UBAP2: variants seen among roughly 807,000 people sequenced by gnomAD.
UBAP2 encodes ubiquitin associated protein 2.
UBAP2 carries 75 observed loss-of-function variants against 139.6 expected under a neutral mutation model. The ratio of observed to expected loss-of-function variants is 0.54; its 90% CI spans 0.45 to 0.65. UBAP2 has a LOEUF of 0.65. UBAP2 is among the 30% of genes least tolerant of loss of function. The pLI is 0.00. For synonymous variants in UBAP2, 526 were observed against 526.2 expected (o/e 1.00, Z 0.01); for missense variants, 1,368 against 1,369.6 (o/e 1.00, Z 0.02).
chr9:33,985,331 A>G (rs761409266), intron 6 of UBAP2, among the ~76,000 whole-genome samples: 2 of 152,232 alleles, frequency 1.3e-5, no homozygotes, highest in Admixed American at 1.3e-4. Flanking sequence ...TATCATTTCT[A>G]TGTGTTGGGA....
chr9:33,963,993 T>C (rs961636150), intron 8 of UBAP2, among the ~76,000 whole-genome samples: 3 of 152,186 alleles, frequency 2.0e-5, no homozygotes, highest in Non-Finnish European at 4.4e-5. Context: ...GACACTCAAA[T>C]CACTTCAATT....
chr9:34,037,231 G>A (rs565552304), intron 1 of UBAP2, among the ~76,000 whole-genome samples: 20 of 152,004 alleles, frequency 1.3e-4, no homozygotes, highest in African/African-American at 4.8e-4. Context: ...CTCGTGATCC[G>A]CCCGCCTCGG....
intron 1 of UBAP2, among the ~76,000 whole-genome samples, chr9:34,039,591 T>A (rs954645857): frequency 6.6e-6 from 1 of 151,982 alleles, no homozygotes; most frequent in Non-Finnish European, 1.5e-5. Flanking sequence ...CTGTGTCCAC[T>A]CAGGGTTAAA....
At chr9:33,953,259 C>A in intron 12 of UBAP2, 26 bp downstream of exon 12, 1 of 1,596,088 alleles carries the variant, frequency 6.3e-7, no homozygotes. Flanking sequence ...TTCTTAAAAT[C>A]CCACACTGAA....
At chr9:33,935,356 C>G (rs1824396852) in intron 17 of UBAP2, 2 of 154,052 alleles carry the variant, frequency 1.3e-5, no homozygotes, top group East Asian at 3.8e-4. Context: ...GTAGCCCAAG[C>G]TGGCTCAAGC....
rs574784839 is a variant in UBAP2 at position 33,952,616 on chromosome 9, T to C, written c.1056+669A>G. Among the ~76,000 whole-genome samples the C allele has an allele frequency of 6.6e-5, 10 of 152,274 alleles. No homozygotes were observed. The East Asian group carries it at 1.7e-3, about 26-fold the overall frequency. ...AATTCTGATAAACTTTCGCATTTAATTGGAAAACAAGAAATTGAATATACT... is the reference window on the plus strand; with the variant it reads ...AATTCTGATAAACTTTCGCATTTAACTGGAAAACAAGAAATTGAATATACT... On this transcript the variant is annotated intron_variant, in intron 12 of 28. Coordinates refer to ENST00000379238, the MANE Select transcript of UBAP2 (RefSeq NM_001370062.2).
intron 6 of UBAP2, among the ~76,000 whole-genome samples, chr9:33,983,164 C>T (rs894786874): frequency 2.6e-5 from 4 of 152,104 alleles, no homozygotes; most frequent in Non-Finnish European, 5.9e-5. Flanking sequence ...AGATGTGAGC[C>T]ACGGTGCCCG....
intron 6 of UBAP2, among the ~76,000 whole-genome samples, chr9:33,986,305 A>C (rs1056906134): frequency 6.6e-6 from 1 of 152,146 alleles, no homozygotes; most frequent in African/African-American, 2.4e-5. Flanking sequence ...AATGTTCAAC[A>C]GTAGAGTAAG....
chr9:33,967,276 C>A (rs1162411322), intron 8 of UBAP2, among the ~76,000 whole-genome samples: 2 of 152,154 alleles, frequency 1.3e-5, no homozygotes, highest in African/African-American at 4.8e-5. Context: ...TCACAAAAAA[C>A]AACGGTTTAT....
intron 2 of UBAP2, among the ~76,000 whole-genome samples, chr9:34,014,088 C>T (rs1450280595): frequency 6.6e-6 from 1 of 151,038 alleles, no homozygotes; most frequent in South Asian, 2.1e-4. Context: ...CTTGGGAGAT[C>T]AAGGGGGGGA....
chr9:33,996,532 A>C (rs1228364204), intron 3 of UBAP2, 199 bp from the exon 4 acceptor site: 4 of 493,496 alleles, frequency 8.1e-6, no homozygotes, highest in Non-Finnish European at 1.4e-5. Flanking sequence ...ACACTGGTAG[A>C]ATCTAACTAC....
rs1554682975 is a variant in UBAP2 at position 33,954,301 on chromosome 9, C to CACACAT, written c.867-828_867-827insATGTGT. Among the ~76,000 whole-genome samples the CACACAT allele has an allele frequency of 2.9e-3, 428 of 146,728 alleles. 2 individuals carry two copies. The highest frequency in any genetic ancestry group is 7.6e-3 in the South Asian group (34 of 4,482). On this transcript the variant is annotated intron_variant, in intron 11 of 28. Transcript: ENST00000379238. ...ACACACACACACACACACACACACA[C>CACACAT]GCCCATATAATTTTATCTTTAAAAT...
chr9:34,035,221 G>A (rs943206679), intron 1 of UBAP2, among the ~76,000 whole-genome samples: 4 of 151,634 alleles, frequency 2.6e-5, no homozygotes, highest in Non-Finnish European at 5.9e-5. Flanking sequence ...CATTTCATAC[G>A]GCTAGGCGCG....
At chr9:33,984,498 T>TAA (rs1041499858) in intron 6 of UBAP2, among the ~76,000 whole-genome samples, 2 of 144,882 alleles carry the variant, frequency 1.4e-5, no homozygotes, top group Non-Finnish European at 3.0e-5. Flanking sequence ...CCCCATCTCT[T>TAA]AAAAAAAAAA....
At chr9:33,967,398 G>A in intron 8 of UBAP2, among the ~76,000 whole-genome samples, 1 of 152,180 alleles carries the variant, frequency 6.6e-6, no homozygotes, top group Non-Finnish European at 1.5e-5. Flanking sequence ...TCTTGTTCCA[G>A]AGGAAAACCA....
At chr9:34,047,169 G>A (rs1587714642) in intron 1 of UBAP2, among the ~76,000 whole-genome samples, 2 of 152,128 alleles carry the variant, frequency 1.3e-5, no homozygotes, top group Admixed American at 6.6e-5. Flanking sequence ...TTGAGGGTGA[G>A]AGGCAACAGG....
chr9:34,038,421 T>C (rs1243037302), intron 1 of UBAP2, among the ~76,000 whole-genome samples: 1 of 152,196 alleles, frequency 6.6e-6, no homozygotes, highest in Non-Finnish European at 1.5e-5. Context: ...TGCCTGCGAT[T>C]GCAGGCGCGC....
At chr9:33,976,606 TGTG>T (rs1214831773) in intron 6 of UBAP2, among the ~76,000 whole-genome samples, 2 of 152,216 alleles carry the variant, frequency 1.3e-5, no homozygotes, top group African/African-American at 4.8e-5. Context: ...TAAAATTGAT[TGTG>T]GTGATGATTG....
At chr9:33,924,418 A>G in intron 22 of UBAP2, 134 bp from the exon 23 acceptor site, 2 of 845,862 alleles carry the variant, frequency 2.4e-6, no homozygotes, top group South Asian at 1.6e-5. Flanking sequence ...GTCCCAGGGA[A>G]CGCCAAGTAA....
Sources: gnomAD v4.1 joint callset for allele counts (sites outside exome capture counted in the v4.1 genomes callset) on GRCh38, gnomAD v4.1.1 for gene constraint, MANE v1.5 for transcripts, NCBI Gene and HGNC (gene_info 2026-07-23, HGNC 2026-07-21) for gene names.